ARMC5: variants seen among roughly 807,000 people sequenced by gnomAD.
ARMC5 encodes armadillo repeat containing 5, also known as armadillo repeat-containing protein 5.
In ARMC5, 28 loss-of-function variants were observed where a neutral mutation model predicts 60.5. That is an observed-to-expected ratio of 0.46 (90% CI 0.34 to 0.63). ARMC5 has a LOEUF of 0.63. Among genes scored for constraint, ARMC5 ranks in the 30% least tolerant of loss-of-function variants. The pLI is 0.01. For missense variants in ARMC5, 1,189 were observed against 1,304.9 expected, an observed-to-expected ratio of 0.91 and a Z score of 1.37; for synonymous variants, 680 against 607.3, an observed-to-expected ratio of 1.12 and a Z score of -1.76.
At chr16:31,463,011 C>T in intron 3 of ARMC5, 94 bp downstream of exon 3, 1 of 1,279,810 alleles carries the variant, frequency 7.8e-7, no homozygotes, top group Non-Finnish European at 1.0e-6. Context: ...CACCCCTATT[C>T]TGTCTGAATA....
upstream of ARMC5, chr16:31,458,669 G>C (rs759478677): frequency 6.9e-7 from 1 of 1,446,834 alleles, no homozygotes; most frequent in East Asian, 2.5e-5. Flanking sequence ...TTCCGGGCGG[G>C]CAGCTGCCCC....
rs928725853 is a variant in ARMC5 at position 31,464,746 on chromosome 16, T to C, written c.1723T>C (p.Cys575Arg). 3 of 1,598,962 alleles carry C rather than the reference T, an allele frequency of 1.9e-6. No individual in the cohort carries two copies. Among genetic ancestry groups the C allele is most frequent in the African/African-American group, 2.7e-5 (2 of 74,868 alleles). Reference sequence around the variant, plus strand: ...ACTGCGCATTCTGTCACGCCTCACCTGCAACCCTGCCTGCCTCGAGGCCTT... The same window carrying C: ...ACTGCGCATTCTGTCACGCCTCACCCGCAACCCTGCCTGCCTCGAGGCCTT... The part of the protein sequence containing the change: ...RALRILSRLT[C>R]NPACLEAFVR... Residue 575 changes from cysteine to arginine, a missense_variant, in exon 4 of 6, where the codon TGC becomes CGC. Coordinates refer to ENST00000268314, the MANE Select transcript of ARMC5 (RefSeq NM_001105247.2). The surrounding 1 kb of genome is among the most constrained non-coding windows in gnomAD (Gnocchi z 7.6).
intron 1 of ARMC5, 43 bp downstream of exon 1, chr16:31,460,042 A>G (rs188759221): frequency 3.8e-6 from 6 of 1,584,556 alleles, no homozygotes; most frequent in Non-Finnish European, 3.4e-6. Flanking sequence ...TAGGTTTGCA[A>G]CTCCCTTGCT....
intron 4 of ARMC5, 52 bp from the exon 5 acceptor site, chr16:31,465,776 GCCCAGAGCCCTGTCTCACTCAC>G: frequency 6.3e-7 from 1 of 1,590,548 alleles, no homozygotes; most frequent in South Asian, 1.1e-5. Flanking sequence ...CATCTCACGG[GCCCAGAGCCCTGTCTCACTCAC>G]CCCACCTGTC....
At position 31,459,683 on chromosome 16, in the gene ARMC5, G is replaced by C. The variant is rs1156615305; in HGVS notation, c.159G>C (p.Lys53Asn). Reference sequence around the variant, plus strand: ...TAGCCCTCCGCACGCGCCACATCAAGGCAGCGGGGGGAATCGAGCGCTTCC... The same window carrying C: ...TAGCCCTCCGCACGCGCCACATCAACGCAGCGGGGGGAATCGAGCGCTTCC... ...ALLALRTRHI[K>N]AAGGIERFRA... The change falls in exon 1 of 6, where the codon AAG becomes AAC. Residue 53 changes from lysine (K) to asparagine (N), a missense_variant. Lys to Asn is a moderately conservative substitution (Grantham distance 94). Transcript: ENST00000268314. 10 of 1,574,702 alleles carry C rather than the reference G, an allele frequency of 6.4e-6. No homozygotes were observed. Among genetic ancestry groups the C allele is most frequent in the Non-Finnish European group, 8.5e-6 (10 of 1,170,186 alleles).
chr16:31,466,091 G>T lies in ARMC5; in HGVS notation c.2010G>T (p.Leu670=). Residue 670 remains leucine, a synonymous_variant, in exon 6 of 6, where the codon CTG becomes CTT. Coordinates refer to ENST00000268314, the MANE Select transcript of ARMC5 (RefSeq NM_001105247.2). The surrounding 1 kb of genome is among the most constrained non-coding windows in gnomAD (Gnocchi z 8.0). The part of the protein sequence containing the change: ...TLPFICRKPS[L]WRRLLLEQGG... ...CTCTTCCCTGTAGGAAGCCCTCTCTGTGGCGCCGGCTGCTTCTGGAGCAGG... is the reference window on the plus strand; with the variant it reads ...CTCTTCCCTGTAGGAAGCCCTCTCTTTGGCGCCGGCTGCTTCTGGAGCAGG... 8 of 1,599,798 alleles carry T rather than the reference G, an allele frequency of 5.0e-6. No homozygotes were observed. The highest frequency in any genetic ancestry group is 5.1e-6 in the Non-Finnish European group (6 of 1,178,956).
intron 4 of ARMC5, 190 bp from the exon 5 acceptor site, chr16:31,465,660 C>G (rs1234249865): frequency 3.5e-6 from 5 of 1,427,072 alleles, no homozygotes; most frequent in Admixed American, 3.0e-5. Flanking sequence ...TACACCCTGA[C>G]TGTCCCACCT....
intron 4 of ARMC5, 184 bp from the exon 5 acceptor site, chr16:31,465,666 C>T (rs2082350206): frequency 7.0e-7 from 1 of 1,430,552 alleles, no homozygotes; most frequent in Non-Finnish European, 9.1e-7. Flanking sequence ...CTGACTGTCC[C>T]ACCTTCTGTC....
At position 31,466,456 on chromosome 16, in the gene ARMC5, T is replaced by C; in HGVS notation, c.2375T>C (p.Leu792Pro). The C allele has an allele frequency of 6.2e-7, 1 of 1,611,752 alleles. No individual in the cohort carries two copies. The highest frequency in any genetic ancestry group is 1.1e-5 in the South Asian group (1 of 91,084). The part of the protein sequence containing the change: ...FAEAQMDLVP[L>P]RGLSPGAAWP... ...GAAGCCCAGATGGACCTGGTGCCCC[T>C]GCGAGGTCTGTCGCCTGGTGCAGCC... Residue 792 changes from leucine to proline, a missense_variant, in exon 6 of 6, where the codon CTG (leucine) becomes CCG (proline). By Grantham distance (98) the Leu-to-Pro change is moderately conservative (BLOSUM62 -3). Transcript: ENST00000268314. The surrounding 1 kb of genome is among the most constrained non-coding windows in gnomAD (Gnocchi z 8.0).
chr16:31,464,492 G>A lies in ARMC5; in HGVS notation c.1469G>A (p.Ser490Asn), dbSNP rs1455922336. ...QCPPEPMEPA[S>N]PAPTPTSLRA... ...CCGCCGGAGCCCATGGAGCCGGCCA[G>A]CCCCGCCCCGACCCCGACCTCGCTG... is the stretch of plus-strand genomic sequence containing the variant. Residue 490 changes from serine (S) to asparagine (N), a missense_variant, in exon 4 of 6, where the codon AGC becomes AAC. This residue lies in a region of ARMC5 where 862 missense variants were observed against 1,071.2 expected (regional missense o/e 0.80). Transcript: ENST00000268314. This position sits in a 1 kb window ranked among gnomAD's most constrained non-coding sequence, Gnocchi z 7.6. The A allele has an allele frequency of 6.2e-7, 1 of 1,607,028 alleles. No homozygotes were observed. Among genetic ancestry groups the A allele is most frequent in the Non-Finnish European group, 8.5e-7 (1 of 1,177,264 alleles).
At position 31,466,602 on chromosome 16, in the gene ARMC5, C is replaced by T. The variant is rs754483841; in HGVS notation, c.2521C>T (p.Arg841Cys). Residue 841 changes from arginine (R) to cysteine (C), a missense_variant, in exon 6 of 6, where the codon CGT becomes TGT. Around this residue, in one of 2 missense-constraint regions of ARMC5, gnomAD observed 862 missense variants for 1,071.2 expected, o/e 0.80. Transcript: ENST00000268314. This position sits in a 1 kb window ranked among gnomAD's most constrained non-coding sequence, Gnocchi z 8.0. ...EAEEALEAAG[R>C]FLLPGLEEEL... is the part of the protein sequence containing the mutation. ...CGAGGAGGCACTGGAGGCTGCTGGC[C>T]GTTTCCTACTGCCTGGGCTGGAGGA... 23 of 1,606,504 alleles carry T rather than the reference C, an allele frequency of 1.4e-5. No individual in the cohort carries two copies. Among genetic ancestry groups the T allele is most frequent in the Admixed American group, 1.2e-4 (7 of 58,742 alleles).
At position 31,466,198 on chromosome 16, in the gene ARMC5, C is replaced by G. The variant is rs1296488310; in HGVS notation, c.2117C>G (p.Ser706Cys). The G allele has an allele frequency of 6.2e-7, 1 of 1,613,040 alleles. No individual in the cohort carries two copies. Among genetic ancestry groups the G allele is most frequent in the Non-Finnish European group, 8.5e-7 (1 of 1,179,894 alleles). The change falls in exon 6 of 6, where the codon TCC (serine) becomes TGC (cysteine). Residue 706 changes from serine to cysteine, a missense_variant. Ser to Cys is a moderately radical substitution (Grantham distance 112). Transcript: ENST00000268314. This position sits in a 1 kb window ranked among gnomAD's most constrained non-coding sequence, Gnocchi z 8.0. The part of the protein sequence containing the change: ...LFLFFAADSL[S>C]CLQDLVSPTV... ...CTCTTCTTTGCCGCGGACTCCCTTT[C>G]CTGCCTCCAAGACCTGGTGTCTCCC...
chr16:31,464,629 C>G lies in ARMC5; in HGVS notation c.1606C>G (p.Pro536Ala), dbSNP rs761415153. 71 of 1,597,868 alleles carry G rather than the reference C, an allele frequency of 4.4e-5. No homozygotes were observed. The East Asian group carries it at 1.5e-3, about 33-fold the overall frequency. ...LLLLSRFSQAPDPSGALVTGP... is the reference protein window; with the variant it reads ...LLLLSRFSQAADPSGALVTGP... ...GCTGCTGTCGCGCTTTTCCCAGGCC[C>G]CTGACCCAAGTGGGGCACTTGTGAC... The change falls in exon 4 of 6, where the codon CCT becomes GCT. Residue 536 changes from proline (P) to alanine (A), a missense_variant. By Grantham distance (27) the Pro-to-Ala change is conservative (BLOSUM62 -1). This residue lies in a region of ARMC5 where 862 missense variants were observed against 1,071.2 expected (regional missense o/e 0.80). Transcript: ENST00000268314. The surrounding 1 kb of genome is among the most constrained non-coding windows in gnomAD (Gnocchi z 7.6).
Position 31,459,670 on chromosome 16 carries a change from C to A in ARMC5, c.146C>A (p.Thr49Lys), listed in dbSNP as rs1481647708. 2.5e-6 allele frequency: 4 copies of A among 1,579,674 alleles called. No individual in the cohort carries two copies. In the South Asian group the frequency reaches 3.3e-5, roughly 13 times the overall value. Residue 49 changes from threonine to lysine, a missense_variant, in exon 1 of 6, where the codon ACG (threonine) becomes AAG (lysine). Coordinates refer to ENST00000268314, the MANE Select transcript of ARMC5 (RefSeq NM_001105247.2). The part of the protein sequence containing the change: ...PLSRALLALR[T>K]RHIKAAGGIE... ...AGCCGCGCGCTCCTAGCCCTCCGCA[C>A]GCGCCACATCAAGGCAGCGGGGGGA... is the stretch of plus-strand genomic sequence containing the variant.
At chr16:31,460,732 C>T (rs1364451248) in intron 1 of ARMC5, among the ~76,000 whole-genome samples, 2 of 152,122 alleles carry the variant, frequency 1.3e-5, no homozygotes, top group Non-Finnish European at 2.9e-5. Context: ...GTAACAAGAC[C>T]TCGTATCTTA....
chr16:31,459,789 C>T lies in ARMC5; in HGVS notation c.265C>T (p.Pro89Ser), dbSNP rs1596599956. ...AAGSAPSQAG[P>S]GSAPSSAASG... ...GGGTTCCGCCCCGTCCCAGGCAGGC[C>T]CCGGCTCCGCCCCCTCGTCGGCCGC... Residue 89 changes from proline to serine, a missense_variant, in exon 1 of 6, where the codon CCC becomes TCC. Pro to Ser is a moderately conservative substitution (Grantham distance 74, BLOSUM62 -1). Transcript: ENST00000268314. 19 of 1,538,682 alleles carry T rather than the reference C, an allele frequency of 1.2e-5. No homozygotes were observed. The East Asian group carries it at 4.2e-4, about 34-fold the overall frequency.
intron 4 of ARMC5, 132 bp downstream of exon 4, chr16:31,465,019 C>T (rs950379526): frequency 6.2e-7 from 1 of 1,612,172 alleles, no homozygotes; most frequent in East Asian, 2.2e-5. Context: ...CAACCTGTCA[C>T]CAGAGTGGGG....
chr16:31,460,231 T>G, intron 1 of ARMC5: 1 of 522,724 alleles, frequency 1.9e-6, no homozygotes, highest in Non-Finnish European at 3.3e-6. Flanking sequence ...AATTGGTTGT[T>G]GAGGACTTCT....
intron 1 of ARMC5, chr16:31,460,220 G>C (rs1159916705): frequency 1.9e-6 from 1 of 537,810 alleles, no homozygotes; most frequent in Non-Finnish European, 3.2e-6. Flanking sequence ...CATTATCTAG[G>C]AATTGGTTGT....
Sources: gnomAD v4.1 joint callset for allele counts (sites outside exome capture counted in the v4.1 genomes callset) on GRCh38, gnomAD v4.1.1 for gene constraint, gnomAD v4.1.1 regional missense constraint, Gnocchi (gnomAD v3.1) non-coding constraint, MANE v1.5 for transcripts, NCBI Gene and HGNC (gene_info 2026-07-23, HGNC 2026-07-21) for gene names.